Variants in TCEANC2 observed in about 807,000 individuals in gnomAD.
The protein encoded by TCEANC2 is transcription elongation factor A N-terminal and central domain-containing protein 2.
A neutral mutation model predicts 22.8 loss-of-function variants in TCEANC2; 20 were observed. The observed-to-expected ratio is 0.88, with a 90% CI of 0.62 to 1.28. TCEANC2 has a LOEUF of 1.28. TCEANC2 is among the 50% of genes most tolerant of loss of function. The pLI is 0.00. For synonymous variants in TCEANC2, 84 were observed against 95.5 expected, an observed-to-expected ratio of 0.88 and a Z score of 0.70; for missense variants, 251 against 249.7, an observed-to-expected ratio of 1.01 and a Z score of -0.03.
intron 2 of TCEANC2, 29 bp downstream of exon 2, chr1:54,054,553 TG>T (rs559389056): frequency 1.5e-5 from 24 of 1,598,276 alleles, no homozygotes; most frequent in Non-Finnish European, 2.0e-5. Context: ...CTAGAGGAAA[TG>T]TGCAAAGGAC....
Position 54,101,228 on chromosome 1 carries a change from G to A in TCEANC2, c.*4755G>A, listed in dbSNP as rs565890191. On this transcript the variant is annotated 3_prime_UTR_variant, in exon 5 of 5. Coordinates refer to ENST00000234827, the MANE Select transcript of TCEANC2 (RefSeq NM_153035.3). ...TGAATGTGTTTATCACAGCCAGATG[G>A]GGCAAAGGCTCAGTTTGTTACTGCC... 4 of 152,298 alleles carry A rather than the reference G, an allele frequency of 2.6e-5. No homozygotes were observed. Among genetic ancestry groups the A allele is most frequent in the Admixed American group, 2.6e-4 (4 of 15,298 alleles). The allele number at this position is 152,298 out of a possible 1,614,324, so 9.4% of individuals were successfully genotyped here.
At chr1:54,090,644 T>G (rs1658426916) in intron 4 of TCEANC2, among the ~76,000 whole-genome samples, 1 of 152,200 alleles carries the variant, frequency 6.6e-6, no homozygotes, top group Admixed American at 6.5e-5. Context: ...TAACTTTTCC[T>G]AAAGGAAGCT....
At chr1:54,057,880 C>T (rs1284251305) in intron 2 of TCEANC2, among the ~76,000 whole-genome samples, 1 of 152,152 alleles carries the variant, frequency 6.6e-6, no homozygotes, top group Non-Finnish European at 1.5e-5. Flanking sequence ...TGTGCTCTTT[C>T]CTTCCTCTGT....
rs1006034432 is a variant in TCEANC2 at position 54,097,093 on chromosome 1, A to G, written c.*620A>G. 2 of 593,204 alleles carry G rather than the reference A, an allele frequency of 3.4e-6. No individual in the cohort carries two copies. Among genetic ancestry groups the G allele is most frequent in the African/African-American group, 4.0e-5 (2 of 49,556 alleles). 36.7% of individuals were successfully genotyped at this position (593,204 alleles called of 1,614,324 possible). A position where few individuals can be genotyped will look rare whatever the true frequency, so the allele number is the denominator to read the frequency against. Reference sequence around the variant, plus strand: ...AGGCTACTAATGAGGAACTGGCCCGAAGCCTCCCACACCTCAGGGTTTATT... The same window carrying G: ...AGGCTACTAATGAGGAACTGGCCCGGAGCCTCCCACACCTCAGGGTTTATT... On this transcript the variant is annotated 3_prime_UTR_variant, in exon 5 of 5. Transcript: ENST00000234827.
intron 3 of TCEANC2, among the ~76,000 whole-genome samples, chr1:54,076,778 T>C (rs1275656407): frequency 1.3e-5 from 2 of 152,194 alleles, no homozygotes; most frequent in Non-Finnish European, 2.9e-5. Context: ...TCTGGATACA[T>C]GTGATTAAAA....
rs759426763 is a variant in TCEANC2, at chr1:54,105,933, A to C, written c.*9460A>C. The C allele has an allele frequency of 3.3e-5, 5 of 152,158 alleles. No individual in the cohort carries two copies. The highest frequency in any genetic ancestry group is 7.3e-5 in the Non-Finnish European group (5 of 68,030). The allele number at this position is 152,158 out of a possible 1,614,324, so 9.4% of individuals were successfully genotyped here. On this transcript the variant is annotated 3_prime_UTR_variant, in exon 5 of 5. Transcript: ENST00000234827. Reference sequence around the variant, plus strand: ...CACACCCGGCCAGCAAACTTTTTTAAAGGAACAGATAGTAAATATTTTAAG... The same window carrying C: ...CACACCCGGCCAGCAAACTTTTTTACAGGAACAGATAGTAAATATTTTAAG...
chr1:54,097,678 A>G lies in TCEANC2; in HGVS notation c.*1205A>G, dbSNP rs184592254. 2.9e-4 allele frequency: 44 copies of G among 152,292 alleles called. No homozygotes were observed. The highest frequency in any genetic ancestry group is 1.0e-3 in the African/African-American group (42 of 41,564). 9.4% of individuals were successfully genotyped at this position (152,292 alleles called of 1,614,324 possible). The stretch of plus-strand genomic sequence containing the variant: ...ATTGCTTACTTCTCTCACCCATTGT[A>G]TTAAGTAGGTATTGTTGTTTTCATT... On this transcript the variant is annotated 3_prime_UTR_variant, in exon 5 of 5. Transcript: ENST00000234827.
chr1:54,055,328 A>T (rs1292501042), intron 2 of TCEANC2, among the ~76,000 whole-genome samples: 1 of 152,264 alleles, frequency 6.6e-6, no homozygotes, highest in Non-Finnish European at 1.5e-5. Context: ...TGCAAGCAAG[A>T]TGCAAAGAGT....
chr1:54,072,080 G>A (rs1658066391), intron 3 of TCEANC2, among the ~76,000 whole-genome samples: 1 of 152,132 alleles, frequency 6.6e-6, no homozygotes, highest in Non-Finnish European at 1.5e-5. Flanking sequence ...CCAAAGTGCT[G>A]GGATTACATG....
At position 54,102,762 on chromosome 1, in the gene TCEANC2, A is replaced by G. The variant is rs1317203514; in HGVS notation, c.*6289A>G. ...AAAAAGCCATGCCTTATCCTTAGAT[A>G]GGTCAGCTCAGTGTGTGTGAGCAAG... On this transcript the variant is annotated 3_prime_UTR_variant, in exon 5 of 5. Transcript: ENST00000234827. The G allele has an allele frequency of 6.6e-6, 1 of 152,314 alleles. No homozygotes were observed. Among genetic ancestry groups the G allele is most frequent in the East Asian group, 1.9e-4 (1 of 5,208 alleles). The allele number at this position is 152,314 out of a possible 1,614,324, so 9.4% of individuals were successfully genotyped here.
chr1:54,062,780 AT>A (rs1447698511), intron 2 of TCEANC2, among the ~76,000 whole-genome samples: 2 of 152,242 alleles, frequency 1.3e-5, no homozygotes, highest in African/African-American at 4.8e-5. Context: ...AGGCAAAGGT[AT>A]GAAATTCAAA....
chr1:54,062,596 G>T (rs1055341794), intron 2 of TCEANC2, among the ~76,000 whole-genome samples: 2 of 152,220 alleles, frequency 1.3e-5, no homozygotes, highest in East Asian at 1.9e-4. Flanking sequence ...TTTGCAGAAA[G>T]CATAGATGCA....
At chr1:54,062,920 T>C (rs1190718252) in intron 2 of TCEANC2, among the ~76,000 whole-genome samples, 1 of 152,180 alleles carries the variant, frequency 6.6e-6, no homozygotes, top group Non-Finnish European at 1.5e-5. Flanking sequence ...CATATGTTGA[T>C]ATTATCTGAT....
intron 3 of TCEANC2, among the ~76,000 whole-genome samples, chr1:54,084,509 G>A (rs1658301570): frequency 6.6e-6 from 1 of 152,024 alleles, no homozygotes; most frequent in Non-Finnish European, 1.5e-5. Context: ...AATTCCCAGG[G>A]CTGTGTTCTC....
chr1:54,093,495 A>G (rs1658486422), intron 4 of TCEANC2, among the ~76,000 whole-genome samples: 2 of 152,188 alleles, frequency 1.3e-5, no homozygotes. Context: ...TTCATTTAAC[A>G]AGAGGCATGC....
chr1:54,107,055 T>C (rs1478216655), downstream of TCEANC2, among the ~76,000 whole-genome samples: 2 of 152,172 alleles, frequency 1.3e-5, no homozygotes, highest in African/African-American at 4.8e-5. Flanking sequence ...TCACTCAGAC[T>C]TTGCCAGTCT....
chr1:54,109,584 T>C (rs1658810291), downstream of TCEANC2, among the ~76,000 whole-genome samples: 2 of 152,228 alleles, frequency 1.3e-5, no homozygotes, highest in African/African-American at 2.4e-5. Context: ...CATTTCGTTA[T>C]CTGTTTCCCT....
At chr1:54,109,223 G>C (rs1042806212), downstream of TCEANC2, among the ~76,000 whole-genome samples, 2 of 152,216 alleles carry the variant, frequency 1.3e-5, no homozygotes, top group African/African-American at 4.8e-5. Context: ...TTGTGAGCTG[G>C]GTTTGAGAGT....
chr1:54,101,990 A>T lies in TCEANC2; in HGVS notation c.*5517A>T, dbSNP rs191333688. 6.6e-6 allele frequency: 1 copy of T among 152,244 alleles called. No homozygotes were observed. The highest frequency in any genetic ancestry group is 1.5e-5 in the Non-Finnish European group (1 of 68,058). The allele number at this position is 152,244 out of a possible 1,614,324, so 9.4% of individuals were successfully genotyped here. On this transcript the variant is annotated 3_prime_UTR_variant, in exon 5 of 5. Coordinates refer to ENST00000234827, the MANE Select transcript of TCEANC2 (RefSeq NM_153035.3). ...GGTGCAGTGAGATTTTTAGGGGCCA[A>T]TGGTCTGGGATGTGGCAGGGACATT...
Sources: allele counts gnomAD v4.1 joint callset (sites outside exome capture counted in the v4.1 genomes callset), GRCh38; gene constraint gnomAD v4.1.1; transcripts MANE v1.5; gene names NCBI Gene and HGNC (gene_info 2026-07-23, HGNC 2026-07-21).